ZC3H14: variants seen among roughly 807,000 people sequenced by gnomAD.
The protein encoded by ZC3H14 is zinc finger CCCH domain-containing protein 14.
In ZC3H14, 31 loss-of-function variants were observed where a neutral mutation model predicts 92.4. The ratio of observed to expected loss-of-function variants is 0.34; its 90% CI spans 0.25 to 0.45. The LOEUF is 0.45. ZC3H14 is among the 20% of genes least tolerant of loss of function. The pLI, the probability that ZC3H14 is intolerant of heterozygous loss-of-function variation, is 1.00. For synonymous variants in ZC3H14, 321 were observed against 300.9 expected, an observed-to-expected ratio of 1.07 and a Z score of -0.69; for missense variants, 781 against 897.3, an observed-to-expected ratio of 0.87 and a Z score of 1.66.
intron 9 of ZC3H14, among the ~76,000 whole-genome samples, chr14:88,588,706 C>T (rs2163600): frequency 0.32 from 48,080 of 151,914 alleles, 9,623 homozygotes; most frequent in Middle Eastern, 0.46. Context: ...TTAAAATTTG[C>T]TGTCCTTGTT....
chr14:88,612,979 T>TA lies in ZC3H14; in HGVS notation c.*1243dup, dbSNP rs35822845. 22,157 of 144,304 alleles carry TA rather than the reference T, an allele frequency of 0.15. 2,048 individuals are homozygous for TA. Among genetic ancestry groups the TA allele is most frequent in the Non-Finnish European group, 0.21 (13,870 of 65,256 alleles). 8.9% of individuals were successfully genotyped at this position (144,304 alleles called of 1,614,324 possible). A position where few individuals can be genotyped will look rare whatever the true frequency, so the allele number is the denominator to read the frequency against. ...CATTCTCAGGACCAAATTAAACTGC[T>TA]AAAAAAAAAAAAAAAGTTCATTGAC... On this transcript the variant is annotated 3_prime_UTR_variant, in exon 17 of 17. Coordinates refer to ENST00000251038, the MANE Select transcript of ZC3H14 (RefSeq NM_024824.5).
intron 9 of ZC3H14, among the ~76,000 whole-genome samples, chr14:88,592,824 T>C (rs2083321383): frequency 1.3e-5 from 2 of 152,100 alleles, no homozygotes; most frequent in Admixed American, 1.3e-4. Context: ...TAAGAGACTA[T>C]AGTGAGCAGC....
In ZC3H14 at chr14:88,619,057, G is replaced by A. The variant is rs760601501; in HGVS notation, c.*7306G>A. On this transcript the variant is annotated 3_prime_UTR_variant, in exon 17 of 17. Coordinates refer to ENST00000251038, the MANE Select transcript of ZC3H14 (RefSeq NM_024824.5). ...GTCATCTCCCAATTCCTTTAAAAAC[G>A]TCTAATGGCTTAAAAAAACTTTCTT... 4.6e-5 allele frequency: 14 copies of A among 305,646 alleles called. No individual in the cohort carries two copies. The highest frequency in any genetic ancestry group is 8.7e-5 in the African/African-American group (4 of 45,976). 18.9% of individuals were successfully genotyped at this position (305,646 alleles called of 1,614,324 possible).
At chr14:88,602,486 A>G (rs560086028) in intron 11 of ZC3H14, among the ~76,000 whole-genome samples, 1 of 152,348 alleles carries the variant, frequency 6.6e-6, no homozygotes, top group South Asian at 2.1e-4. Flanking sequence ...ATTAGCATAA[A>G]TGCTGCTGGC....
In ZC3H14 at chr14:88,601,982, G is replaced by A. The variant is rs2084710605; in HGVS notation, c.1413G>A (p.Lys471=). 2 of 1,614,022 alleles carry A rather than the reference G, an allele frequency of 1.2e-6. No individual in the cohort carries two copies. Among genetic ancestry groups the A allele is most frequent in the Non-Finnish European group, 8.5e-7 (1 of 1,180,008 alleles). Residue 471 remains lysine (K), a synonymous_variant, in exon 11 of 17, where the codon AAG becomes AAA. Coordinates refer to ENST00000251038, the MANE Select transcript of ZC3H14 (RefSeq NM_024824.5). ...HADTRSFILK[K]PKLSEEVVVA... ...ACACAAGATCATTTATTCTGAAGAA[G>A]CCAAAGCTGTCTGAGGAAGTAGTAG... is the stretch of plus-strand genomic sequence containing the variant.
At chr14:88,575,013 T>G (rs1237045993) in intron 7 of ZC3H14, among the ~76,000 whole-genome samples, 160 bp downstream of exon 7, 1 of 152,242 alleles carries the variant, frequency 6.6e-6, no homozygotes, top group Admixed American at 6.5e-5. Context: ...CTCGGCTCAC[T>G]GCAACCTCTG....
intron 16 of ZC3H14, 133 bp from the exon 17 acceptor site, chr14:88,611,612 A>C: frequency 1.0e-6 from 1 of 971,798 alleles, no homozygotes; most frequent in East Asian, 2.6e-5. Context: ...ATTTTTAAAA[A>C]TCTGCCATTT....
chr14:88,625,235 AGCATGCATCGT>A lies in ZC3H14; in HGVS notation c.*13486_*13496del. The A allele has an allele frequency of 7.6e-7, 1 of 1,308,178 alleles. No homozygotes were observed. Among genetic ancestry groups the A allele is most frequent in the Non-Finnish European group, 1.0e-6 (1 of 959,370 alleles). 81.0% of individuals were successfully genotyped at this position (1,308,178 alleles called of 1,614,324 possible). On this transcript the variant is annotated 3_prime_UTR_variant, in exon 17 of 17. Coordinates refer to ENST00000251038, the MANE Select transcript of ZC3H14 (RefSeq NM_024824.5). ...ATGCTGTCTCACCCTTGATACAAAG[AGCATGCATCGT>A]GTAGTGGCAGCAGCACTGAATTCAC... is the stretch of plus-strand genomic sequence containing the variant.
intron 16 of ZC3H14, 28 bp from the exon 17 acceptor site, chr14:88,611,717 A>G (rs1432974173): frequency 6.2e-7 from 1 of 1,613,928 alleles, no homozygotes. Flanking sequence ...GCAGATAATT[A>G]AAACAATTTT....
chr14:88,572,232 G>T lies in ZC3H14; in HGVS notation c.431+7G>T. ...CAAAAACCACAAATGTCAGGTAAGAGTCTGGTGTAGACCTGCTGGGGGCAG... is the reference window on the plus strand; with the variant it reads ...CAAAAACCACAAATGTCAGGTAAGATTCTGGTGTAGACCTGCTGGGGGCAG... On this transcript the variant is annotated splice_region_variant and intron_variant, in intron 5 of 16. Coordinates refer to ENST00000251038, the MANE Select transcript of ZC3H14 (RefSeq NM_024824.5). 1 of 1,614,028 alleles carries T rather than the reference G, an allele frequency of 6.2e-7. No homozygotes were observed. Among genetic ancestry groups the T allele is most frequent in the Non-Finnish European group, 8.5e-7 (1 of 1,179,948 alleles).
intron 3 of ZC3H14, 55 bp from the exon 4 acceptor site, chr14:88,571,029 A>G (rs2080315011): frequency 5.8e-6 from 8 of 1,387,986 alleles, no homozygotes; most frequent in Non-Finnish European, 7.8e-6. Flanking sequence ...GTGACAGTTG[A>G]AATGAAATCT....
intron 2 of ZC3H14, chr14:88,567,769 A>G (rs1018162636): frequency 1.3e-5 from 6 of 458,578 alleles, no homozygotes; most frequent in African/African-American, 1.2e-4. Context: ...AAAAGATTCA[A>G]GGAAGTGAAT....
intron 10 of ZC3H14, among the ~76,000 whole-genome samples, chr14:88,600,653 T>C (rs922358404): frequency 1.3e-5 from 2 of 152,098 alleles, no homozygotes; most frequent in Admixed American, 1.3e-4. Context: ...GGTCTCACTA[T>C]GTTGCCTAGG....
chr14:88,596,966 A>G (rs1192790717), intron 10 of ZC3H14, among the ~76,000 whole-genome samples, 158 bp downstream of exon 10: 1 of 152,028 alleles, frequency 6.6e-6, no homozygotes, highest in African/African-American at 2.4e-5. Context: ...TAAGATCTGC[A>G]TTTCTTTCAT....
At chr14:88,573,909 G>C (rs1162080026) in intron 6 of ZC3H14, among the ~76,000 whole-genome samples, 3 of 152,152 alleles carry the variant, frequency 2.0e-5, no homozygotes, top group Non-Finnish European at 4.4e-5. Flanking sequence ...GTACCATGGC[G>C]CCTGGCCCCA....
At chr14:88,582,643 G>A (rs111551585) in intron 9 of ZC3H14, among the ~76,000 whole-genome samples, 3 of 152,172 alleles carry the variant, frequency 2.0e-5, no homozygotes, top group African/African-American at 7.2e-5. Context: ...TCAGAAGGGT[G>A]TTTTGCCTTA....
Position 88,582,309 on chromosome 14 carries a change from A to G in ZC3H14, c.1279+4169A>G, listed in dbSNP as rs1049882209. Among the ~76,000 whole-genome samples the G allele has an allele frequency of 3.9e-5, 6 of 152,334 alleles. No homozygotes were observed. In the East Asian group the frequency reaches 9.6e-4, roughly 24 times the overall value. On this transcript the variant is annotated intron_variant, in intron 9 of 16. Transcript: ENST00000251038. ...TCATCAAGCTCCCAGTCCAGCAGTC[A>G]GTTTGCAAGAAGTTGCAGAGGCCAG...
At chr14:88,571,656 C>A (rs775243455) in intron 4 of ZC3H14, among the ~76,000 whole-genome samples, 2 of 152,008 alleles carry the variant, frequency 1.3e-5, no homozygotes, top group Non-Finnish European at 2.9e-5. Flanking sequence ...AGGAAGGAAA[C>A]GACTTAAAGT....
In ZC3H14 at chr14:88,572,970, C is replaced by A. The variant is rs772979062; in HGVS notation, c.824C>A (p.Pro275Gln). ...AACAGCTTAGAAGAAACGTATAGTC[C>A]GTTCTTTAGAAACAACTCGGAGAAA... is the stretch of plus-strand genomic sequence containing the variant. ...VLNSLEETYS[P>Q]FFRNNSEKMS... Residue 275 changes from proline (P) to glutamine (Q), a missense_variant, in exon 6 of 17, where the codon CCG becomes CAG. By Grantham distance (76) the Pro-to-Gln change is moderately conservative (BLOSUM62 -1). Around this residue, in one of 3 missense-constraint regions of ZC3H14, gnomAD observed 454 missense variants for 438.5 expected, o/e 1.04. Transcript: ENST00000251038. 6.2e-7 allele frequency: 1 copy of A among 1,613,980 alleles called. No homozygotes were observed. Among genetic ancestry groups the A allele is most frequent in the African/African-American group, 1.3e-5 (1 of 75,008 alleles).
Sources: gnomAD v4.1 joint callset for allele counts (sites outside exome capture counted in the v4.1 genomes callset) on GRCh38, gnomAD v4.1.1 for gene constraint, gnomAD v4.1.1 regional missense constraint, MANE v1.5 for transcripts, NCBI Gene and HGNC (gene_info 2026-07-23, HGNC 2026-07-21) for gene names.